The following CCDC60 variants were observed in gnomAD, a reference collection of about 807,000 sequenced individuals.
The protein encoded by CCDC60 is coiled-coil domain-containing protein 60.
CCDC60 carries 54 observed loss-of-function variants against 63.5 expected under a neutral mutation model. The ratio of observed to expected loss-of-function variants is 0.85; its 90% CI spans 0.68 to 1.07. The LOEUF is 1.07. CCDC60 is among the 50% of genes least tolerant of loss of function. The probability of loss-of-function intolerance (pLI) is 0.00; values close to 1 mark genes in which losing one functional copy is unlikely to be tolerated. For missense variants in CCDC60, 651 were observed against 684.3 expected (o/e 0.95, Z 0.54); for synonymous variants, 206 against 238.8 (o/e 0.86, Z 1.27).
chr12:119,517,837 G>A (rs1952394785), intron 8 of CCDC60, among the ~76,000 whole-genome samples: 1 of 152,178 alleles, frequency 6.6e-6, no homozygotes, highest in South Asian at 2.1e-4. Flanking sequence ...CTTTCTGGTG[G>A]GAAGCCTCGT....
chr12:119,352,651 T>C (rs952087546), intron 1 of CCDC60, among the ~76,000 whole-genome samples: 1 of 152,078 alleles, frequency 6.6e-6, no homozygotes, highest in Non-Finnish European at 1.5e-5. Context: ...AAATTTCACT[T>C]CCCAGTCAGA....
chr12:119,360,585 G>A lies in CCDC60; in HGVS notation c.90+25319G>A, dbSNP rs192232065. ...TCACCTCCCAGACGGGGTGGCGGCC[G>A]GGCAGAGGCACTCCTCACATCCCAA... On this transcript the variant is annotated intron_variant, in intron 1 of 13. Coordinates refer to ENST00000327554, the MANE Select transcript of CCDC60 (RefSeq NM_178499.5). Among the ~76,000 whole-genome samples, 160 of 151,954 alleles carry A rather than the reference G, an allele frequency of 1.1e-3. 2 individuals carry two copies. The East Asian group carries it at 0.024, about 23-fold the overall frequency.
chr12:119,493,226 A>G (rs1233247099), intron 5 of CCDC60, among the ~76,000 whole-genome samples: 1 of 152,158 alleles, frequency 6.6e-6, no homozygotes, highest in Non-Finnish European at 1.5e-5. Flanking sequence ...GGAGATATCC[A>G]TCCTTGGGGA....
chr12:119,402,023 C>A (rs1037327885), intron 1 of CCDC60, among the ~76,000 whole-genome samples: 2 of 152,194 alleles, frequency 1.3e-5, no homozygotes, highest in African/African-American at 4.8e-5. Context: ...GAACTTTATA[C>A]ACACATCACG....
intron 2 of CCDC60, among the ~76,000 whole-genome samples, chr12:119,444,702 C>T (rs552689832): frequency 6.6e-6 from 1 of 152,262 alleles, no homozygotes; most frequent in East Asian, 1.9e-4. Flanking sequence ...GCTGGCCACT[C>T]TTCTCTGACA....
chr12:119,341,274 G>A (rs1592975492), intron 1 of CCDC60, among the ~76,000 whole-genome samples: 2 of 151,914 alleles, frequency 1.3e-5, no homozygotes, highest in African/African-American at 2.4e-5. Flanking sequence ...AAGAGCGATC[G>A]GCACTCTTCA....
At chr12:119,408,962 C>G (rs1044446896) in intron 1 of CCDC60, among the ~76,000 whole-genome samples, 16 of 152,132 alleles carry the variant, frequency 1.1e-4, no homozygotes, top group Admixed American at 9.2e-4. Context: ...AGCAGGTGCC[C>G]AAGACAGAAG....
chr12:119,533,767 C>T (rs1407037555), intron 13 of CCDC60, among the ~76,000 whole-genome samples: 2 of 152,074 alleles, frequency 1.3e-5, no homozygotes, highest in African/African-American at 4.8e-5. Context: ...TGTTCTGTTC[C>T]ATTGGTCTAT....
At chr12:119,406,188 T>G (rs1035769782) in intron 1 of CCDC60, among the ~76,000 whole-genome samples, 40 of 121,866 alleles carry the variant, frequency 3.3e-4, no homozygotes, top group Admixed American at 8.1e-4. Flanking sequence ...TATATATATA[T>G]ATAGATATAT....
chr12:119,485,306 T>C (rs926492335), intron 4 of CCDC60, among the ~76,000 whole-genome samples: 2 of 152,236 alleles, frequency 1.3e-5, no homozygotes, highest in African/African-American at 4.8e-5. Context: ...CTTGAGTGAC[T>C]GAGTGGATTT....
At chr12:119,532,832 G>A (rs1952893937) in intron 13 of CCDC60, among the ~76,000 whole-genome samples, 1 of 152,144 alleles carries the variant, frequency 6.6e-6, no homozygotes, top group South Asian at 2.1e-4. Flanking sequence ...GGGCATTTGG[G>A]TTGGTTCCAA....
intron 13 of CCDC60, among the ~76,000 whole-genome samples, chr12:119,535,821 T>G (rs911076547): frequency 2.0e-5 from 3 of 152,158 alleles, no homozygotes; most frequent in Non-Finnish European, 4.4e-5. Context: ...TGCTGAGGAG[T>G]GCTTTCCTTC....
chr12:119,362,364 A>ATTC (rs1207585164), intron 1 of CCDC60, among the ~76,000 whole-genome samples: 4 of 152,280 alleles, frequency 2.6e-5, no homozygotes, highest in African/African-American at 9.6e-5. Context: ...ATTCCAGAAG[A>ATTC]TTCTCTCATC....
At chr12:119,438,997 T>C (rs146461181) in intron 2 of CCDC60, among the ~76,000 whole-genome samples, 51 of 152,154 alleles carry the variant, frequency 3.4e-4, no homozygotes, top group African/African-American at 1.1e-3. Context: ...GCCCCACCTA[T>C]CTTTAATTAA....
In CCDC60 at chr12:119,412,451, T is replaced by C. The variant is rs574289481; in HGVS notation, c.91-16232T>C. 1.1e-3 allele frequency among the ~76,000 whole-genome samples: 165 copies of C among 152,350 alleles called. 1 individual carries two copies. Among genetic ancestry groups the C allele is most frequent in the African/African-American group, 3.8e-3 (160 of 41,580 alleles). On this transcript the variant is annotated intron_variant, in intron 1 of 13. Transcript: ENST00000327554. ...AACACACATCCTTCTTATCAGGACA[T>C]TGGCAATATGAAAGGATACTTTCTT... is the stretch of plus-strand genomic sequence containing the variant.
intron 3 of CCDC60, among the ~76,000 whole-genome samples, chr12:119,474,427 TC>T (rs1410693884): frequency 6.6e-6 from 1 of 152,200 alleles, no homozygotes; most frequent in Non-Finnish European, 1.5e-5. Flanking sequence ...TAAACAAGGG[TC>T]CTGTCAATGG....
At chr12:119,471,959 T>C (rs556847660) in intron 2 of CCDC60, 35 bp from the exon 3 acceptor site, 113 of 1,587,058 alleles carry the variant, frequency 7.1e-5, no homozygotes, top group Middle Eastern at 6.8e-4. Context: ...CCCACCTTCC[T>C]CCCTCTCTCC....
At chr12:119,434,383 C>T (rs937643715) in intron 2 of CCDC60, among the ~76,000 whole-genome samples, 1 of 151,962 alleles carries the variant, frequency 6.6e-6, no homozygotes, top group African/African-American at 2.4e-5. Flanking sequence ...GAGATATCAC[C>T]AGGTGTACAC....
At chr12:119,531,153 C>T (rs1952830157) in intron 13 of CCDC60, 90 bp downstream of exon 13, 2 of 1,142,556 alleles carry the variant, frequency 1.8e-6, no homozygotes, top group Non-Finnish European at 1.3e-6. Flanking sequence ...GTGCTGGGGA[C>T]ACAAAGTCCC....
Sources: gnomAD v4.1 joint callset for allele counts (sites outside exome capture counted in the v4.1 genomes callset) on GRCh38, gnomAD v4.1.1 for gene constraint, MANE v1.5 for transcripts, NCBI Gene and HGNC (gene_info 2026-07-23, HGNC 2026-07-21) for gene names.